TMC7: variants seen among roughly 807,000 people sequenced by gnomAD.
The protein encoded by TMC7 is transmembrane channel-like protein 7.
A neutral mutation model predicts 82.9 loss-of-function variants in TMC7; 54 were observed. The observed-to-expected ratio is 0.65, with a 90% CI of 0.52 to 0.82. The LOEUF is 0.82. TMC7 is among the 40% of genes least tolerant of loss of function. The probability of loss-of-function intolerance (pLI) is 0.00; values close to 1 mark genes in which losing one functional copy is unlikely to be tolerated. For missense variants in TMC7, 820 were observed against 901.2 expected (o/e 0.91, Z 1.15); for synonymous variants, 350 against 337.9 (o/e 1.04, Z -0.39).
chr16:19,043,306 G>C (rs1398527702), intron 9 of TMC7, among the ~76,000 whole-genome samples: 1 of 152,030 alleles, frequency 6.6e-6, no homozygotes, highest in Non-Finnish European at 1.5e-5. Flanking sequence ...AGATTCCATT[G>C]GTTCTTTTCA....
At chr16:19,055,814 C>G (rs114369768) in intron 13 of TMC7, among the ~76,000 whole-genome samples, 6 of 152,158 alleles carry the variant, frequency 3.9e-5, no homozygotes, top group Non-Finnish European at 7.4e-5. Context: ...TACCTACCCC[C>G]GTCACCTAGG....
chr16:19,020,001 T>G (rs1959887294), intron 3 of TMC7, among the ~76,000 whole-genome samples: 1 of 152,154 alleles, frequency 6.6e-6, no homozygotes, highest in Non-Finnish European at 1.5e-5. Flanking sequence ...TCAGAATGCT[T>G]TCTATCCTCA....
Position 19,045,683 on chromosome 16 carries a change from G to A in TMC7, c.1553+245G>A, listed in dbSNP as rs867376723. Among the ~76,000 whole-genome samples the A allele has an allele frequency of 2.8e-4, 39 of 140,944 alleles. 1 individual carries two copies. In the South Asian group the frequency reaches 5.4e-3, roughly 19 times the overall value. The allele number at this position is 140,944 out of a possible 152,430, so 92.5% of individuals were successfully genotyped here. A position where few individuals can be genotyped will look rare whatever the true frequency, so the allele number is the denominator to read the frequency against. On this transcript the variant is annotated intron_variant, in intron 11 of 15. Transcript: ENST00000304381. ...GCGATCTTGGCTCACTGCAACCTCC[G>A]CCTCCCAGGTTCAAGCGATTCTCCT...
At chr16:19,053,881 C>A (rs1357863972) in intron 13 of TMC7, among the ~76,000 whole-genome samples, 1 of 136,196 alleles carries the variant, frequency 7.3e-6, no homozygotes, top group East Asian at 2.1e-4. Context: ...TGCGATCTTG[C>A]TATGTTGCCC....
intron 2 of TMC7, among the ~76,000 whole-genome samples, chr16:19,012,677 T>C (rs1959428947): frequency 6.8e-6 from 1 of 146,182 alleles, no homozygotes; most frequent in African/African-American, 2.5e-5. Context: ...TTATCCCAGC[T>C]ACTCGTGAGG....
chr16:19,031,505 A>ATT (rs912039462), intron 6 of TMC7, among the ~76,000 whole-genome samples: 22 of 152,110 alleles, frequency 1.4e-4, no homozygotes, highest in Non-Finnish European at 1.8e-4. Flanking sequence ...CACAATAGAA[A>ATT]TTTTATTTCT....
intron 9 of TMC7, among the ~76,000 whole-genome samples, chr16:19,041,181 C>T (rs1194508227): frequency 6.6e-6 from 1 of 152,060 alleles, no homozygotes; most frequent in Non-Finnish European, 1.5e-5. Context: ...CAGGCAAGAG[C>T]CACCATGCCC....
At chr16:18,996,574 T>A (rs1432281409) in intron 1 of TMC7, among the ~76,000 whole-genome samples, 1 of 152,096 alleles carries the variant, frequency 6.6e-6, no homozygotes, top group Non-Finnish European at 1.5e-5. Flanking sequence ...CATTTAAGTT[T>A]TAGGTCAGGT....
intron 3 of TMC7, among the ~76,000 whole-genome samples, chr16:19,018,880 C>A (rs976843565): frequency 1.3e-5 from 2 of 152,130 alleles, no homozygotes; most frequent in African/African-American, 4.8e-5. Flanking sequence ...GACAAAGTTT[C>A]GCTCTTGTTG....
intron 5 of TMC7, among the ~76,000 whole-genome samples, chr16:19,023,678 C>T (rs756185905): frequency 5.3e-5 from 8 of 152,152 alleles, no homozygotes; most frequent in South Asian, 2.1e-4. Context: ...AACTCCTGAA[C>T]TCAGGTGGTC....
intron 2 of TMC7, among the ~76,000 whole-genome samples, chr16:19,015,882 C>G (rs1959663592): frequency 6.6e-6 from 1 of 151,950 alleles, no homozygotes; most frequent in Non-Finnish European, 1.5e-5. Flanking sequence ...AGCCTCATGA[C>G]AAGTTTTTGT....
intron 1 of TMC7, among the ~76,000 whole-genome samples, chr16:19,005,898 G>T (rs1242967226): frequency 1.3e-5 from 2 of 152,134 alleles, no homozygotes; most frequent in African/African-American, 4.8e-5. Context: ...TCGTAGACTT[G>T]CACATGGTGA....
At chr16:19,045,236 C>A in intron 10 of TMC7, 105 bp from the exon 11 acceptor site, 1 of 981,820 alleles carries the variant, frequency 1.0e-6, no homozygotes, top group Non-Finnish European at 1.6e-6. Context: ...CTCACTGGAG[C>A]CACAGGATCT....
intron 13 of TMC7, among the ~76,000 whole-genome samples, chr16:19,053,757 T>A (rs1961644267): frequency 6.6e-6 from 1 of 151,978 alleles, no homozygotes. Context: ...AAAGATATTT[T>A]AAAAAATGGT....
intron 3 of TMC7, among the ~76,000 whole-genome samples, chr16:19,020,304 T>C (rs1320303990): frequency 6.6e-6 from 1 of 152,218 alleles, no homozygotes; most frequent in Non-Finnish European, 1.5e-5. Flanking sequence ...TTATCACAGA[T>C]TCTATTCAAA....
At chr16:19,035,549 C>A in intron 6 of TMC7, 127 bp from the exon 7 acceptor site, 1 of 1,098,252 alleles carries the variant, frequency 9.1e-7, no homozygotes, top group Non-Finnish European at 1.4e-6. Flanking sequence ...TGGCCCCAAA[C>A]TTGACCATGT....
At chr16:19,039,728 A>G (rs1596777914) in intron 8 of TMC7, among the ~76,000 whole-genome samples, 1 of 152,292 alleles carries the variant, frequency 6.6e-6, no homozygotes, top group East Asian at 1.9e-4. Context: ...TTTATACAGA[A>G]TACATGGGTC....
At chr16:19,026,248 G>A (rs56247757) in intron 5 of TMC7, among the ~76,000 whole-genome samples, 24 of 151,862 alleles carry the variant, frequency 1.6e-4, no homozygotes, top group South Asian at 1.0e-3. Context: ...AGGCCGAGGC[G>A]GGTGGATCAT....
chr16:18,986,121 C>T (rs1349673785), intron 1 of TMC7, among the ~76,000 whole-genome samples: 1 of 151,880 alleles, frequency 6.6e-6, no homozygotes, highest in Non-Finnish European at 1.5e-5. Flanking sequence ...GCTGGCCAGG[C>T]ACAGTGGCTC....
Sources: gnomAD v4.1 joint callset for allele counts (sites outside exome capture counted in the v4.1 genomes callset) on GRCh38, gnomAD v4.1.1 for gene constraint, MANE v1.5 for transcripts, NCBI Gene and HGNC (gene_info 2026-07-23, HGNC 2026-07-21) for gene names.